CPQ: variants seen among roughly 807,000 people sequenced by gnomAD.
CPQ encodes the protein carboxypeptidase Q.
In CPQ, 37 loss-of-function variants were observed where a neutral mutation model predicts 45.7. The ratio of observed to expected loss-of-function variants is 0.81; its 90% CI spans 0.62 to 1.07. The LOEUF (loss-of-function observed/expected upper bound fraction) is 1.07. Ranked by LOEUF, CPQ falls within the 50% of genes least tolerant of loss-of-function variation. The probability of loss-of-function intolerance (pLI) is 0.00; values close to 1 mark genes in which losing one functional copy is unlikely to be tolerated. For missense variants in CPQ, 537 were observed against 572.9 expected (o/e 0.94, Z 0.64); for synonymous variants, 186 against 205.8 (o/e 0.90, Z 0.82).
chr8:96,646,961 T>C (rs1815525577), intron 1 of CPQ, among the ~76,000 whole-genome samples: 1 of 152,208 alleles, frequency 6.6e-6, no homozygotes, highest in Non-Finnish European at 1.5e-5. Flanking sequence ...GATTTTCTTC[T>C]ACATTGTCAC....
At chr8:97,036,621 T>C (rs954594917) in intron 6 of CPQ, among the ~76,000 whole-genome samples, 1 of 152,176 alleles carries the variant, frequency 6.6e-6, no homozygotes, top group Non-Finnish European at 1.5e-5. Context: ...TCTCTTCTCT[T>C]GGAAGGAGAA....
intron 1 of CPQ, among the ~76,000 whole-genome samples, chr8:96,696,080 G>A (rs1256725705): frequency 4.0e-5 from 6 of 151,734 alleles, no homozygotes; most frequent in Non-Finnish European, 5.9e-5. Flanking sequence ...AGAAAATGTG[G>A]CACATATACA....
At chr8:96,851,014 C>T (rs1483184320) in intron 3 of CPQ, among the ~76,000 whole-genome samples, 3 of 152,112 alleles carry the variant, frequency 2.0e-5, no homozygotes, top group Non-Finnish European at 4.4e-5. Flanking sequence ...GTTCTAGGAA[C>T]CTTTTAATTC....
chr8:97,040,449 T>A (rs887555333), intron 6 of CPQ, among the ~76,000 whole-genome samples: 30 of 151,920 alleles, frequency 2.0e-4, no homozygotes, highest in African/African-American at 7.2e-4. Context: ...TTCACTCTGA[T>A]GGTAGTTTCT....
intron 7 of CPQ, among the ~76,000 whole-genome samples, chr8:97,076,300 A>AAAGTG (rs1339341304): frequency 6.6e-6 from 1 of 152,230 alleles, no homozygotes; most frequent in Non-Finnish European, 1.5e-5. Context: ...CTGGGATTAC[A>AAAGTG]GTCATGAGCC....
rs574658175 is a variant in CPQ, at chr8:97,127,553, G to A, written c.1256-15467G>A. Reference sequence around the variant, plus strand: ...AAAATACAAAAATTAGCCAGGCGTGGTGGCACGCACCTGTAGTCCCAGCTA... The same window carrying A: ...AAAATACAAAAATTAGCCAGGCGTGATGGCACGCACCTGTAGTCCCAGCTA... On this transcript the variant is annotated intron_variant, in intron 7 of 7. Transcript: ENST00000220763. Among the ~76,000 whole-genome samples the A allele has an allele frequency of 5.3e-5, 8 of 152,214 alleles. No homozygotes were observed. The South Asian group carries it at 1.7e-3, about 32-fold the overall frequency.
At chr8:97,100,786 T>C (rs1000412613) in intron 7 of CPQ, among the ~76,000 whole-genome samples, 1 of 152,128 alleles carries the variant, frequency 6.6e-6, no homozygotes, top group African/African-American at 2.4e-5. Context: ...AGTGGGAAAA[T>C]AGCTCATATA....
rs138614980 is a variant in CPQ, at chr8:96,725,063, C to A, written c.-34-59801C>A. The stretch of plus-strand genomic sequence containing the variant: ...AATGAAACTGGATCCCTGCCTTTCA[C>A]CACATACAAAAATTAACCAAAAATG... On this transcript the variant is annotated intron_variant, in intron 1 of 7. Transcript: ENST00000220763. Among the ~76,000 whole-genome samples the A allele has an allele frequency of 3.5e-3, 527 of 152,250 alleles. 1 individual carries two copies. The highest frequency in any genetic ancestry group is 4.5e-3 in the Non-Finnish European group (306 of 68,018).
chr8:96,918,124 T>G (rs1179087089), intron 4 of CPQ, among the ~76,000 whole-genome samples: 1 of 152,144 alleles, frequency 6.6e-6, no homozygotes, highest in Non-Finnish European at 1.5e-5. Flanking sequence ...GCTGATAGGC[T>G]TATAATAAAA....
intron 1 of CPQ, chr8:96,659,467 C>T (rs1815674116): frequency 1.3e-5 from 2 of 152,202 alleles, no homozygotes; most frequent in Admixed American, 6.5e-5. Context: ...ATTGTAAGGA[C>T]ATGAGTGCTG....
intron 7 of CPQ, among the ~76,000 whole-genome samples, chr8:97,078,566 A>G (rs1427036199): frequency 1.3e-5 from 2 of 152,102 alleles, no homozygotes; most frequent in Non-Finnish European, 2.9e-5. Context: ...GGAACAACAT[A>G]ATCACTCATT....
chr8:96,673,076 T>C (rs1210441205), intron 1 of CPQ, among the ~76,000 whole-genome samples: 1 of 152,110 alleles, frequency 6.6e-6, no homozygotes, highest in Non-Finnish European at 1.5e-5. Flanking sequence ...CTAGAGTGAC[T>C]GGAGCAGAGA....
At chr8:96,995,962 G>T (rs775372855) in intron 5 of CPQ, among the ~76,000 whole-genome samples, 1 of 151,932 alleles carries the variant, frequency 6.6e-6, no homozygotes, top group Non-Finnish European at 1.5e-5. Flanking sequence ...ACTTTAAAGG[G>T]CAGAGGAAAA....
chr8:96,962,951 A>G (rs1376921114), intron 4 of CPQ, among the ~76,000 whole-genome samples: 5 of 152,194 alleles, frequency 3.3e-5, no homozygotes, highest in Non-Finnish European at 7.3e-5. Context: ...TCCAGAGAAT[A>G]TGTAATCATT....
intron 1 of CPQ, among the ~76,000 whole-genome samples, chr8:96,770,536 A>G (rs1000475079): frequency 6.6e-6 from 1 of 152,048 alleles, no homozygotes; most frequent in African/African-American, 2.4e-5. Flanking sequence ...AGGAAAAATA[A>G]TGGCAAAACT....
At chr8:96,854,654 G>C (rs2130862935) in intron 3 of CPQ, among the ~76,000 whole-genome samples, 1 of 150,370 alleles carries the variant, frequency 6.7e-6, no homozygotes, top group East Asian at 2.0e-4. Context: ...ATGTGAATAT[G>C]AAGAAATTTA....
At chr8:96,827,878 A>G (rs560746330) in intron 2 of CPQ, among the ~76,000 whole-genome samples, 1 of 152,262 alleles carries the variant, frequency 6.6e-6, no homozygotes, top group South Asian at 2.1e-4. Flanking sequence ...GCATAATGTA[A>G]TAAATACCCT....
chr8:96,775,977 A>T (rs935030433), intron 1 of CPQ, among the ~76,000 whole-genome samples: 15 of 152,236 alleles, frequency 9.9e-5, no homozygotes, highest in African/African-American at 3.4e-4. Context: ...GGGGGAATGG[A>T]TATTGAATAG....
chr8:96,922,512 G>A (rs1465638524), intron 4 of CPQ, among the ~76,000 whole-genome samples: 1 of 152,164 alleles, frequency 6.6e-6, no homozygotes, highest in Non-Finnish European at 1.5e-5. Context: ...CGTGTACTCA[G>A]CCTGAGCTGC....
Sources: gnomAD v4.1 joint callset for allele counts (sites outside exome capture counted in the v4.1 genomes callset) on GRCh38, gnomAD v4.1.1 for gene constraint, MANE v1.5 for transcripts, NCBI Gene and HGNC (gene_info 2026-07-23, HGNC 2026-07-21) for gene names.